GNE: variants seen among roughly 807,000 people sequenced by gnomAD.
The protein encoded by GNE is glucosamine (UDP-N-acetyl)-2-epimerase/N-acetylmannosamine kinase.
A neutral mutation model predicts 61.8 loss-of-function variants in GNE; 41 were observed. The observed-to-expected ratio is 0.66, with a 90% CI of 0.52 to 0.86. The LOEUF (loss-of-function observed/expected upper bound fraction) is 0.86. Among genes scored for constraint, GNE ranks in the 40% least tolerant of loss-of-function variants. The pLI is 0.00. For synonymous variants in GNE, 264 were observed against 326.4 expected, an observed-to-expected ratio of 0.81 and a Z score of 2.06; for missense variants, 608 against 909.1, an observed-to-expected ratio of 0.67 and a Z score of 4.26.
At chr9:36,247,231 A>G (rs1477427632) in intron 2 of GNE, among the ~76,000 whole-genome samples, 5 of 151,388 alleles carry the variant, frequency 3.3e-5, no homozygotes, top group Non-Finnish European at 1.5e-5. Context: ...TAATTTTTGT[A>G]TTTTTAGTAG....
At chr9:36,249,693 G>A (rs576380407) in intron 1 of GNE, among the ~76,000 whole-genome samples, 68 of 151,788 alleles carry the variant, frequency 4.5e-4, no homozygotes, top group African/African-American at 1.1e-3. Flanking sequence ...CCTGGCTAAC[G>A]TGGTGAAACC....
intron 1 of GNE, among the ~76,000 whole-genome samples, chr9:36,264,546 G>A (rs549829499): frequency 1.3e-5 from 2 of 152,258 alleles, no homozygotes; most frequent in East Asian, 1.9e-4. Flanking sequence ...ACTTCCAACC[G>A]ATTGATGGTG....
chr9:36,223,307 A>G, intron 8 of GNE, 66 bp downstream of exon 8: 1 of 1,427,314 alleles, frequency 7.0e-7, no homozygotes, highest in East Asian at 2.3e-5. Flanking sequence ...TCAGGCATGC[A>G]TCACAAGTTA....
chr9:36,216,404 C>T lies in GNE; in HGVS notation c.*961G>A, dbSNP rs1416357134. 2.2e-5 allele frequency: 7 copies of T among 323,428 alleles called. No individual in the cohort carries two copies. Among genetic ancestry groups the T allele is most frequent in the South Asian group, 4.4e-5 (2 of 45,658 alleles). 20.0% of individuals were successfully genotyped at this position (323,428 alleles called of 1,614,324 possible). A position where few individuals can be genotyped will look rare whatever the true frequency, so the allele number is the denominator to read the frequency against. On this transcript the variant is annotated 3_prime_UTR_variant, in exon 12 of 12. Transcript: ENST00000642385. ...AGGGTGGAGTGCAGTGGCATGATCTCGGCTCACTGCAACCTCCGCCTCCCG... is the reference window on the plus strand; with the variant it reads ...AGGGTGGAGTGCAGTGGCATGATCTTGGCTCACTGCAACCTCCGCCTCCCG...
intron 3 of GNE, among the ~76,000 whole-genome samples, chr9:36,242,489 G>A (rs1321888321): frequency 2.0e-5 from 3 of 152,134 alleles, no homozygotes; most frequent in Non-Finnish European, 4.4e-5. Flanking sequence ...CGCGATCTCG[G>A]CTCACTGCAG....
At chr9:36,232,329 C>CTG (rs1563937074) in intron 5 of GNE, among the ~76,000 whole-genome samples, 10 of 86,406 alleles carry the variant, frequency 1.2e-4, no homozygotes, top group African/African-American at 4.6e-4. Context: ...TTTATTCTTG[C>CTG]CCCCCCGCCC....
At chr9:36,247,088 G>C (rs757418937) in intron 2 of GNE, among the ~76,000 whole-genome samples, 2 of 151,490 alleles carry the variant, frequency 1.3e-5, no homozygotes, top group African/African-American at 4.9e-5. Flanking sequence ...ACAGAGTCTC[G>C]CTCTGTCGCC....
intron 1 of GNE, among the ~76,000 whole-genome samples, chr9:36,274,876 T>C (rs924024602): frequency 8.5e-4 from 129 of 152,194 alleles, no homozygotes; most frequent in African/African-American, 2.9e-3. Flanking sequence ...GCACCCGCCA[T>C]CATGCCCGGC....
chr9:36,260,886 A>AC (rs1239676681), upstream of GNE, among the ~76,000 whole-genome samples: 1 of 125,418 alleles, frequency 8.0e-6, no homozygotes, highest in African/African-American at 3.0e-5. Context: ...AAAAAAAAAA[A>AC]AAAAAAAAAA....
intron 1 of GNE, among the ~76,000 whole-genome samples, chr9:36,267,115 G>A (rs1272792402): frequency 6.6e-6 from 1 of 152,202 alleles, no homozygotes; most frequent in African/African-American, 2.4e-5. Context: ...ATCCTAAACT[G>A]TATCAGCTTA....
chr9:36,249,096 G>A (rs1718778978), intron 2 of GNE, 96 bp downstream of exon 2: 3 of 944,378 alleles, frequency 3.2e-6, no homozygotes, highest in African/African-American at 1.6e-5. Flanking sequence ...CTAAGCAGCA[G>A]AACAGGAATT....
chr9:36,254,806 G>T (rs1365922982), intron 1 of GNE, among the ~76,000 whole-genome samples: 1 of 152,050 alleles, frequency 6.6e-6, no homozygotes, highest in Non-Finnish European at 1.5e-5. Flanking sequence ...ACAAAAATTA[G>T]CCAGGCATGG....
chr9:36,253,093 CG>C (rs1490068351), intron 1 of GNE, among the ~76,000 whole-genome samples: 1 of 151,918 alleles, frequency 6.6e-6, no homozygotes, highest in Non-Finnish European at 1.5e-5. Context: ...ACACATGAGG[CG>C]GAGCTTGCGG....
chr9:36,272,235 A>G (rs983001540), intron 1 of GNE, among the ~76,000 whole-genome samples: 5 of 152,352 alleles, frequency 3.3e-5, no homozygotes, highest in Non-Finnish European at 7.3e-5. Flanking sequence ...AGGGCCTTGC[A>G]TGATGTTATG....
upstream of GNE, among the ~76,000 whole-genome samples, chr9:36,261,114 A>G (rs7036270): frequency 0.77 from 116,150 of 151,752 alleles, 44,940 homozygotes; most frequent in Non-Finnish European, 0.8. Context: ...TTGTGACTCT[A>G]CTGCCTTCCT....
At chr9:36,267,352 T>G (rs1301280614) in intron 1 of GNE, among the ~76,000 whole-genome samples, 1 of 152,192 alleles carries the variant, frequency 6.6e-6, no homozygotes, top group Non-Finnish European at 1.5e-5. Flanking sequence ...AGGTACAAAT[T>G]AACATAATGA....
rs542696855 is a variant in GNE at position 36,222,215 on chromosome 9, G to A, written c.1633+562C>T. On this transcript the variant is annotated intron_variant, in intron 9 of 11. Coordinates refer to ENST00000642385, the MANE Select transcript of GNE (RefSeq NM_005476.7). Reference sequence around the variant, plus strand: ...GGGCGGATCACGAGGTCAGGAGATCGAGACCATCCCGGCTAAAACGGTGAA... The same window carrying A: ...GGGCGGATCACGAGGTCAGGAGATCAAGACCATCCCGGCTAAAACGGTGAA... 3.7e-4 allele frequency among the ~76,000 whole-genome samples: 56 copies of A among 151,988 alleles called. 1 individual carries two copies. The highest frequency in any genetic ancestry group is 1.9e-3 in the Admixed American group (29 of 15,264).
chr9:36,249,134 C>A (rs1587347470), intron 2 of GNE, 58 bp downstream of exon 2: 4 of 1,439,762 alleles, frequency 2.8e-6, no homozygotes, highest in African/African-American at 1.4e-5. Flanking sequence ...GGCTACAAAA[C>A]CCAAGCTCCT....
intron 1 of GNE, among the ~76,000 whole-genome samples, chr9:36,257,541 C>T (rs144326611): frequency 0.034 from 5,136 of 151,744 alleles, 123 homozygotes; most frequent in Non-Finnish European, 0.049. Context: ...CGGTGGCTCA[C>T]GCCTGTAATC....
Sources: allele counts gnomAD v4.1 joint callset (sites outside exome capture counted in the v4.1 genomes callset), GRCh38; gene constraint gnomAD v4.1.1; transcripts MANE v1.5; gene names NCBI Gene and HGNC (gene_info 2026-07-23, HGNC 2026-07-21).